NFKBID: variants seen among roughly 807,000 people sequenced by gnomAD.
NFKBID encodes the protein NF-kappa-B inhibitor delta.
NFKBID carries 26 observed loss-of-function variants against 53.4 expected under a neutral mutation model. The observed-to-expected ratio is 0.49, with a 90% CI of 0.36 to 0.68. The LOEUF (loss-of-function observed/expected upper bound fraction) is 0.68, where lower values mean the gene tolerates loss of function less well. NFKBID is among the 30% of genes least tolerant of loss of function. NFKBID has a pLI of 0.00. For missense variants in NFKBID, 493 were observed against 614.1 expected, an observed-to-expected ratio of 0.80 and a Z score of 2.08; for synonymous variants, 262 against 259.8, an observed-to-expected ratio of 1.01 and a Z score of -0.08.
exon 1 of NFKBID, chr19:35,900,569 T>C: frequency 8.1e-7 from 1 of 1,231,396 alleles, no homozygotes; most frequent in Non-Finnish European, 1.0e-6. Context: ...CGCGAGTTTT[T>C]AAACTAGGGG....
exon 2 of NFKBID, chr19:35,898,733 C>G (rs547150181): frequency 6.5e-7 from 1 of 1,535,914 alleles, no homozygotes; most frequent in East Asian, 2.4e-5. Flanking sequence ...ACCCCGCCAG[C>G]GTCGGGCTGC....
At chr19:35,897,259 A>ATT (rs112741424) in intron 4 of NFKBID, among the ~76,000 whole-genome samples, 3 of 146,334 alleles carry the variant, frequency 2.1e-5, no homozygotes, top group Non-Finnish European at 4.5e-5. Context: ...GGAAAAGGGT[A>ATT]TTTTTTTTTT....
At chr19:35,900,585 G>A in exon 1 of NFKBID, 1 of 1,231,054 alleles carries the variant, frequency 8.1e-7, no homozygotes, top group Non-Finnish European at 1.0e-6. Flanking sequence ...AGGGGTTATG[G>A]CACCGCCCAG....
exon 4 of NFKBID, chr19:35,897,810 A>G (rs1007104698): frequency 6.3e-7 from 1 of 1,588,360 alleles, no homozygotes; most frequent in African/African-American, 1.3e-5. Context: ...CCAGGCTGCT[A>G]GGTCCAGAAC....
At chr19:35,891,467 A>G (rs1974755608) in intron 9 of NFKBID, among the ~76,000 whole-genome samples, 2 of 152,204 alleles carry the variant, frequency 1.3e-5, no homozygotes, top group Non-Finnish European at 2.9e-5. Context: ...AATGAAAAAA[A>G]TTATCATTTT....
intron 11 of NFKBID, among the ~76,000 whole-genome samples, chr19:35,889,251 G>C (rs1290952577): frequency 6.6e-6 from 1 of 151,644 alleles, no homozygotes; most frequent in African/African-American, 2.4e-5. Flanking sequence ...AGCTACTGGA[G>C]AGGCTGAGGT....
chr19:35,894,579 T>A (rs1974999857), intron 9 of NFKBID, among the ~76,000 whole-genome samples: 1 of 152,114 alleles, frequency 6.6e-6, no homozygotes. Flanking sequence ...ATGCCTGTGA[T>A]CACAGCTACT....
At chr19:35,899,852 C>G (rs1975450267) in intron 1 of NFKBID, 1 of 152,412 alleles carries the variant, frequency 6.6e-6, no homozygotes, top group African/African-American at 2.4e-5. Flanking sequence ...CTCCCCTTCC[C>G]CCCAAGTCCT....
chr19:35,898,771 A>G, exon 2 of NFKBID: 1 of 1,536,038 alleles, frequency 6.5e-7, no homozygotes. Context: ...CTGCTCTTCC[A>G]GAAGCTTCTT....
intron 9 of NFKBID, 176 bp from the exon 10 acceptor site, chr19:35,890,666 C>A (rs774850602): frequency 1.5e-6 from 1 of 688,236 alleles, no homozygotes. Flanking sequence ...GAGCTGCAGA[C>A]CAGCCTGGAC....
At chr19:35,899,383 G>A (rs1975417509) in intron 1 of NFKBID, among the ~76,000 whole-genome samples, 1 of 151,858 alleles carries the variant, frequency 6.6e-6, no homozygotes, top group South Asian at 2.1e-4. Flanking sequence ...TGGCCAACAT[G>A]GTGAAACCCC....
At chr19:35,889,264 G>C (rs926944878) in intron 11 of NFKBID, among the ~76,000 whole-genome samples, 1 of 151,904 alleles carries the variant, frequency 6.6e-6, no homozygotes, top group Non-Finnish European at 1.5e-5. Context: ...GCTGAGGTGG[G>C]AGGATCCCTT....
exon 11 of NFKBID, chr19:35,890,029 A>C: frequency 1.2e-6 from 2 of 1,606,024 alleles, no homozygotes; most frequent in African/African-American, 1.3e-5. Context: ...GGCAGCCGCC[A>C]TGTGGAGGGC....
chr19:35,899,541 CAG>C lies in NFKBID; in HGVS notation c.62-721_62-720del, dbSNP rs981008584. Among the ~76,000 whole-genome samples the C allele has an allele frequency of 5.9e-5, 7 of 118,458 alleles. No homozygotes were observed. The East Asian group carries it at 1.8e-3, about 31-fold the overall frequency. 77.7% of individuals were successfully genotyped at this position (118,458 alleles called of 152,430 possible). On this transcript the variant is annotated intron_variant, in intron 1 of 11. Transcript: ENST00000641389. ...CGCTACTGCACTCCAGCCTGGGCGA[CAG>C]AGAGAGACTCCATTAAAAAAAAAAA...
chr19:35,896,496 C>G lies in NFKBID; in HGVS notation c.727G>C (p.Val243Leu). ...GCTCCCAGGTTCAACAGATCCTCCA[C>G]AATCAGGGGCTGGTTGGCAGCAGCC... Residue 243 changes from valine (V) to leucine (L), a missense_variant, in exon 7 of 12, where the codon GTG becomes CTG. Physicochemically the swap from Val to Leu is conservative, Grantham distance 32. Around this residue, in one of 2 missense-constraint regions of NFKBID, gnomAD observed 267 missense variants for 384.6 expected, o/e 0.69. Coordinates refer to ENST00000641389, the Ensembl canonical transcript of NFKBID. The surrounding 1 kb of genome is among the most constrained non-coding windows in gnomAD (Gnocchi z 5.7). 6.2e-7 allele frequency: 1 copy of G among 1,614,166 alleles called. No individual in the cohort carries two copies. Among genetic ancestry groups the G allele is most frequent in the South Asian group, 1.1e-5 (1 of 91,084 alleles).
chr19:35,894,184 G>A (rs375175848), intron 9 of NFKBID, among the ~76,000 whole-genome samples: 26 of 151,492 alleles, frequency 1.7e-4, no homozygotes, highest in African/African-American at 5.1e-4. Context: ...GCTTGAACCC[G>A]GGAGGCAGAG....
chr19:35,891,169 A>G (rs1208218511), intron 9 of NFKBID, among the ~76,000 whole-genome samples: 2 of 152,232 alleles, frequency 1.3e-5, no homozygotes, highest in Non-Finnish European at 2.9e-5. Flanking sequence ...TGGCAGCATT[A>G]ATCAGTGGAC....
intron 1 of NFKBID, among the ~76,000 whole-genome samples, chr19:35,899,271 C>G (rs939499071): frequency 2.0e-5 from 3 of 152,160 alleles, no homozygotes; most frequent in Admixed American, 6.6e-5. Context: ...CAGCGCCCCT[C>G]CTCGAGAAGT....
At position 35,888,587 on chromosome 19, in the gene NFKBID, C is replaced by T. The variant is rs1467183972; in HGVS notation, c.1340G>A (p.Arg447His). Residue 447 changes from arginine to histidine, a missense_variant, in exon 12 of 12, where the codon CGT (arginine) becomes CAT (histidine). Arg to His is a conservative substitution (Grantham distance 29). Around this residue, in one of 2 missense-constraint regions of NFKBID, gnomAD observed 267 missense variants for 384.6 expected, o/e 0.69. Coordinates refer to ENST00000641389, the Ensembl canonical transcript of NFKBID. ...AGAGGACAGGCCTGGCGGCGCCACA[C>T]GGCTCCTCTTCAACAGCTGCCGGAG... is the stretch of plus-strand genomic sequence containing the variant. 3.4e-5 allele frequency: 54 copies of T among 1,572,418 alleles called. No individual in the cohort carries two copies. Among genetic ancestry groups the T allele is most frequent in the Non-Finnish European group, 4.4e-5 (51 of 1,159,030 alleles).
Sources: gnomAD v4.1 joint callset for allele counts (sites outside exome capture counted in the v4.1 genomes callset) on GRCh38, gnomAD v4.1.1 for gene constraint, gnomAD v4.1.1 regional missense constraint, Gnocchi (gnomAD v3.1) non-coding constraint, MANE v1.5 for transcripts, NCBI Gene and HGNC (gene_info 2026-07-23, HGNC 2026-07-21) for gene names.